The following GRM5 variants were observed in gnomAD, a reference collection of about 807,000 sequenced individuals.
GRM5 encodes the protein glutamate metabotropic receptor 5.
A neutral mutation model predicts 83.1 loss-of-function variants in GRM5; 19 were observed. That is an observed-to-expected ratio of 0.23 (90% CI 0.16 to 0.34). GRM5 has a LOEUF of 0.34. GRM5 is among the 10% of genes least tolerant of loss of function. The pLI is 1.00. For missense variants in GRM5, 1,160 were observed against 1,588.3 expected (o/e 0.73, Z 4.58); for synonymous variants, 675 against 633.6 (o/e 1.07, Z -0.98).
At chr11:88,835,434 T>C (rs1944077086) in intron 3 of GRM5, among the ~76,000 whole-genome samples, 1 of 152,222 alleles carries the variant, frequency 6.6e-6, no homozygotes, top group African/African-American at 2.4e-5. Context: ...GGTTATGACT[T>C]GCATCTGTTT....
At chr11:88,524,214 C>CTTTCTTTCTTTCTT (rs1555060035) in intron 9 of GRM5, among the ~76,000 whole-genome samples, 1 of 101,404 alleles carries the variant, frequency 9.9e-6, no homozygotes, top group Non-Finnish European at 1.9e-5. Flanking sequence ...TTCTTTCTTT[C>CTTTCTTTCTTTCTT]TTTTTTTTTT....
At chr11:88,520,162 C>T (rs1941641727) in intron 9 of GRM5, among the ~76,000 whole-genome samples, 1 of 152,134 alleles carries the variant, frequency 6.6e-6, no homozygotes, top group South Asian at 2.1e-4. Flanking sequence ...TAATGCAGAA[C>T]CTCCATGAAG....
chr11:88,887,750 CCCTGGAGTGCATT>C (rs1442173101), intron 2 of GRM5, among the ~76,000 whole-genome samples: 20 of 152,090 alleles, frequency 1.3e-4, no homozygotes, highest in Non-Finnish European at 2.5e-4. Context: ...GCCTGCACTC[CCCTGGAGTGCATT>C]CTGAAGCACA....
At chr11:88,689,916 T>G (rs972148403) in intron 3 of GRM5, among the ~76,000 whole-genome samples, 40 of 151,852 alleles carry the variant, frequency 2.6e-4, no homozygotes, top group Non-Finnish European at 5.6e-4. Flanking sequence ...ATTTTTTTTT[T>G]GTTTTGTCCT....
intron 2 of GRM5, among the ~76,000 whole-genome samples, chr11:88,873,549 A>G (rs1221242207): frequency 1.3e-5 from 2 of 151,690 alleles, no homozygotes; most frequent in Non-Finnish European, 3.0e-5. Context: ...AGGAATCAAT[A>G]ACATGAAGAA....
Position 88,561,168 on chromosome 11 carries a change from G to C in GRM5, c.2630+5885C>G, listed in dbSNP as rs1378847716. On this transcript the variant is annotated intron_variant, in intron 8 of 9. Transcript: ENST00000305447. ...GCTCTGACAACAATTGGAGTATATT[G>C]GAATTCACACAAATGAACCAGTTTT... Among the ~76,000 whole-genome samples the C allele has an allele frequency of 2.0e-5, 3 of 152,246 alleles. No homozygotes were observed. The East Asian group carries it at 5.8e-4, about 29-fold the overall frequency.
In GRM5 at chr11:88,605,076, A is replaced by G. The variant is rs1938105447; in HGVS notation, c.1148-112T>C. On this transcript the variant is annotated intron_variant, in intron 4 of 9. Transcript: ENST00000305447. ...TTAGAGAATGCACTGGAGCAATTTT[A>G]TCAGAGTTAGAACCATGGGTAACAC... 7.5e-6 allele frequency: 6 copies of G among 796,968 alleles called. No homozygotes were observed. The South Asian group carries it at 8.1e-5, about 11-fold the overall frequency. 49.4% of individuals were successfully genotyped at this position (796,968 alleles called of 1,614,324 possible). A position where few individuals can be genotyped will look rare whatever the true frequency, so the allele number is the denominator to read the frequency against.
rs145762766 is a variant in GRM5 at position 88,793,147 on chromosome 11, C to T, written c.911+56759G>A. Among the ~76,000 whole-genome samples the T allele has an allele frequency of 5.3e-5, 8 of 152,216 alleles. No homozygotes were observed. In the East Asian group the frequency reaches 1.4e-3, roughly 26 times the overall value. ...ATATGTATTACAGAGCAGTTGCCAC[C>T]TAACTGAATAACTCATATCAATCCT... On this transcript the variant is annotated intron_variant, in intron 3 of 9. Transcript: ENST00000305447.
chr11:88,784,252 T>C (rs962597881), intron 3 of GRM5, among the ~76,000 whole-genome samples: 2 of 152,116 alleles, frequency 1.3e-5, no homozygotes, highest in African/African-American at 4.8e-5. Flanking sequence ...TGTGACCTAA[T>C]TATATACTGA....
chr11:88,601,333 C>G (rs988778295), intron 5 of GRM5, among the ~76,000 whole-genome samples: 14 of 152,278 alleles, frequency 9.2e-5, no homozygotes, highest in Admixed American at 3.9e-4. Context: ...TTTACCGCAT[C>G]TGTTTGTGCT....
At chr11:88,884,610 G>A (rs931750062) in intron 2 of GRM5, among the ~76,000 whole-genome samples, 5 of 152,140 alleles carry the variant, frequency 3.3e-5, no homozygotes, top group African/African-American at 1.2e-4. Context: ...ACACAGTTTG[G>A]CTGTGTCTCT....
Position 88,567,816 on chromosome 11 carries a change from C to T in GRM5, c.1867G>A (p.Ala623Thr). Residue 623 changes from alanine (A) to threonine (T), a missense_variant, in exon 8 of 10, where the codon GCT becomes ACT. Physicochemically the swap from Ala to Thr is moderately conservative, Grantham distance 58. Around this residue, in one of 9 missense-constraint regions of GRM5, gnomAD observed 132 missense variants for 245.5 expected, o/e 0.54. Coordinates refer to ENST00000305447, the MANE Select transcript of GRM5 (RefSeq NM_001143831.3). This position sits in a 1 kb window ranked among gnomAD's most constrained non-coding sequence, Gnocchi z 7.3. ...SSRELCYIIL[A>T]GICLGYLCTF... is the part of the protein sequence containing the mutation. Reference sequence around the variant, plus strand: ...CATAAGTAGCCCAGGCAGATGCCAGCAAGGATAATGTAGCAGAGTTCCCTG... The same window carrying T: ...CATAAGTAGCCCAGGCAGATGCCAGTAAGGATAATGTAGCAGAGTTCCCTG... 6.2e-7 allele frequency: 1 copy of T among 1,614,128 alleles called. No homozygotes were observed. The highest frequency in any genetic ancestry group is 1.3e-5 in the African/African-American group (1 of 75,052).
chr11:88,898,113 C>A (rs751515735), intron 2 of GRM5, among the ~76,000 whole-genome samples: 2 of 151,898 alleles, frequency 1.3e-5, no homozygotes, highest in African/African-American at 2.4e-5. Flanking sequence ...GGTTTGACAG[C>A]AATCTTTGGT....
chr11:88,730,829 G>A (rs1941790815), intron 3 of GRM5, among the ~76,000 whole-genome samples: 4 of 152,082 alleles, frequency 2.6e-5, no homozygotes, highest in South Asian at 2.1e-4. Flanking sequence ...GAGAACACAT[G>A]GACACAGGGA....
chr11:88,656,936 A>C (rs1225998616), intron 3 of GRM5, among the ~76,000 whole-genome samples: 1 of 152,118 alleles, frequency 6.6e-6, no homozygotes, highest in Non-Finnish European at 1.5e-5. Context: ...AGACCTGAGC[A>C]TCTTTAGATT....
intron 3 of GRM5, among the ~76,000 whole-genome samples, chr11:88,675,196 T>C (rs1191202351): frequency 1.3e-5 from 2 of 151,994 alleles, no homozygotes; most frequent in Non-Finnish European, 2.9e-5. Flanking sequence ...AAACACTGTG[T>C]GCTTAATTCT....
chr11:89,009,697 C>T (rs1187639911), intron 2 of GRM5, among the ~76,000 whole-genome samples: 3 of 151,406 alleles, frequency 2.0e-5, no homozygotes, highest in African/African-American at 7.3e-5. Flanking sequence ...GAGATCGAGA[C>T]CATCCTGGCT....
chr11:88,780,899 G>A (rs1420248442), intron 3 of GRM5, among the ~76,000 whole-genome samples: 8 of 151,892 alleles, frequency 5.3e-5, no homozygotes, highest in Non-Finnish European at 1.2e-4. Flanking sequence ...GCTCTCAAGT[G>A]TGAGACAAAT....
At position 88,509,399 on chromosome 11, in the gene GRM5, G is replaced by A. The variant is rs1591310088; in HGVS notation, c.2832C>T (p.Asn944=). Residue 944 remains asparagine, a synonymous_variant, in exon 10 of 10, where the codon AAC becomes AAT. Coordinates refer to ENST00000305447, the MANE Select transcript of GRM5 (RefSeq NM_001143831.3). ...SIHINKKENP[N]QTAVIKPFPK... ...GGAAGGGCTTGATGACGGCCGTTTG[G>A]TTGGGGTTTTCTTTCTTGTTGATGT... 1.9e-6 allele frequency: 3 copies of A among 1,612,934 alleles called. No individual in the cohort carries two copies. In the East Asian group the frequency reaches 6.7e-5, roughly 36 times the overall value.
Sources: gnomAD v4.1 joint callset for allele counts (sites outside exome capture counted in the v4.1 genomes callset) on GRCh38, gnomAD v4.1.1 for gene constraint, gnomAD v4.1.1 regional missense constraint, Gnocchi (gnomAD v3.1) non-coding constraint, MANE v1.5 for transcripts, NCBI Gene and HGNC (gene_info 2026-07-23, HGNC 2026-07-21) for gene names.